The following ZNF385D variants were observed in gnomAD, a reference collection of about 807,000 sequenced individuals.
ZNF385D encodes the protein zinc finger protein 385D.
Under a neutral mutation model 35.8 loss-of-function variants are expected in ZNF385D, and 15 were observed. The observed-to-expected ratio is 0.42, with a 90% CI of 0.28 to 0.64. The LOEUF (loss-of-function observed/expected upper bound fraction) is 0.64. Ranked by LOEUF, ZNF385D falls within the 30% of genes least tolerant of loss-of-function variation. The pLI is 0.23. For missense variants in ZNF385D, 474 were observed against 494.6 expected, an observed-to-expected ratio of 0.96 and a Z score of 0.39; for synonymous variants, 212 against 186.8, an observed-to-expected ratio of 1.13 and a Z score of -1.10.
At chr3:21,483,934 C>T (rs762511074) in intron 4 of ZNF385D, among the ~76,000 whole-genome samples, 59 of 151,364 alleles carry the variant, frequency 3.9e-4, no homozygotes, top group African/African-American at 1.0e-3. Context: ...TTTTCTCTTA[C>T]GGATCATGCT....
At chr3:21,542,730 GC>G (rs2062217809) in intron 3 of ZNF385D, 1 of 152,140 alleles carries the variant, frequency 6.6e-6, no homozygotes, top group Admixed American at 6.6e-5. Flanking sequence ...GAGGAGCCTG[GC>G]CCCTCCTCTT....
upstream of ZNF385D, chr3:21,751,297 G>A: frequency 1.8e-6 from 2 of 1,094,178 alleles, no homozygotes; most frequent in African/African-American, 1.7e-5. Context: ...CTGCCTGCCT[G>A]GACCAACCAT....
At chr3:22,022,068 G>A (rs896622376) in intron 3 of ZNF385D, among the ~76,000 whole-genome samples, 1 of 152,060 alleles carries the variant, frequency 6.6e-6, no homozygotes, top group Non-Finnish European at 1.5e-5. Context: ...AATTGAGTGT[G>A]AGTAAAATTG....
intron 3 of ZNF385D, among the ~76,000 whole-genome samples, chr3:21,790,434 G>A (rs1420147727): frequency 1.3e-5 from 2 of 151,890 alleles, no homozygotes; most frequent in African/African-American, 4.8e-5. Context: ...ATAAGATTTG[G>A]GGTGATTGCT....
chr3:21,780,560 G>C (rs1490855429), intron 3 of ZNF385D, among the ~76,000 whole-genome samples: 6 of 152,006 alleles, frequency 3.9e-5, no homozygotes, highest in African/African-American at 1.4e-4. Context: ...AGTTTGTTGA[G>C]CATTTGCTTT....
intron 4 of ZNF385D, among the ~76,000 whole-genome samples, chr3:21,462,755 G>T (rs1415897306): frequency 1.3e-5 from 2 of 152,186 alleles, no homozygotes; most frequent in Non-Finnish European, 2.9e-5. Context: ...GCCGAGGAGG[G>T]TAGATCACCT....
At chr3:22,150,884 G>A (rs928254894) in intron 3 of ZNF385D, among the ~76,000 whole-genome samples, 2 of 152,012 alleles carry the variant, frequency 1.3e-5, no homozygotes, top group Non-Finnish European at 2.9e-5. Flanking sequence ...AGGGAACATC[G>A]AGCTTCCTGG....
intron 1 of ZNF385D, among the ~76,000 whole-genome samples, chr3:21,678,675 G>T (rs149152119): frequency 2.0e-5 from 3 of 152,230 alleles, no homozygotes; most frequent in Non-Finnish European, 4.4e-5. Flanking sequence ...AGAACAAACA[G>T]AATGAGTCAA....
At chr3:21,760,911 T>C (rs1303664812) in intron 3 of ZNF385D, among the ~76,000 whole-genome samples, 2 of 152,226 alleles carry the variant, frequency 1.3e-5, no homozygotes, top group Non-Finnish European at 2.9e-5. Context: ...TTTTTAAATG[T>C]TATCCATAGT....
intron 2 of ZNF385D, among the ~76,000 whole-genome samples, chr3:22,228,513 G>T (rs1362196929): frequency 2.0e-5 from 3 of 152,156 alleles, no homozygotes; most frequent in Non-Finnish European, 4.4e-5. Context: ...CATAATACCA[G>T]GTAATCCAGG....
chr3:21,429,547 T>A (rs1701194544), intron 5 of ZNF385D, among the ~76,000 whole-genome samples: 1 of 152,144 alleles, frequency 6.6e-6, no homozygotes. Context: ...CATTTTTGAT[T>A]GTTTCCTTGG....
intron 3 of ZNF385D, among the ~76,000 whole-genome samples, chr3:21,533,577 C>T (rs964520234): frequency 6.6e-6 from 1 of 151,982 alleles, no homozygotes; most frequent in Non-Finnish European, 1.5e-5. Context: ...TGTTAGATAC[C>T]TGAACAGCAA....
At chr3:22,098,156 G>A (rs189975890) in intron 3 of ZNF385D, among the ~76,000 whole-genome samples, 4 of 152,158 alleles carry the variant, frequency 2.6e-5, no homozygotes, top group African/African-American at 7.2e-5. Flanking sequence ...TCAGGAAGTT[G>A]AGTTCAAGAT....
chr3:22,177,615 G>A (rs557989526), intron 2 of ZNF385D, among the ~76,000 whole-genome samples: 58 of 152,164 alleles, frequency 3.8e-4, no homozygotes, highest in Middle Eastern at 3.4e-3. Context: ...TAAGTTTCAG[G>A]GTTTAAGTGC....
intron 3 of ZNF385D, among the ~76,000 whole-genome samples, chr3:22,141,031 C>T (rs1704472225): frequency 6.6e-6 from 1 of 152,136 alleles, no homozygotes; most frequent in Non-Finnish European, 1.5e-5. Context: ...ATGTCCTGAG[C>T]AATTTATAGT....
intron 3 of ZNF385D, among the ~76,000 whole-genome samples, chr3:22,150,322 T>A (rs1705140754): frequency 6.6e-6 from 1 of 152,146 alleles, no homozygotes; most frequent in African/African-American, 2.4e-5. Flanking sequence ...TATGTATGTA[T>A]TTATAAAACA....
chr3:21,484,310 A>C (rs150482815), intron 4 of ZNF385D, among the ~76,000 whole-genome samples: 1 of 152,236 alleles, frequency 6.6e-6, no homozygotes, highest in African/African-American at 2.4e-5. Flanking sequence ...AAAATGTCTC[A>C]CTAGAGGCAC....
intron 4 of ZNF385D, among the ~76,000 whole-genome samples, chr3:21,470,260 C>T (rs185077069): frequency 5.3e-5 from 8 of 152,198 alleles, no homozygotes; most frequent in African/African-American, 1.4e-4. Flanking sequence ...ACAACCTTTT[C>T]GTTTAAAATG....
rs746830214 is a variant in ZNF385D at position 21,524,399 on chromosome 3, C to T, written c.277-13376G>A. On this transcript the variant is annotated intron_variant, in intron 3 of 7. Coordinates refer to ENST00000281523, the MANE Select transcript of ZNF385D (RefSeq NM_024697.3). ...TTGAATGAGTGAACTAAGACTCCAA[C>T]TGACCATTTATGGGACAACATATTT... is the stretch of plus-strand genomic sequence containing the variant. Among the ~76,000 whole-genome samples, 5 of 152,342 alleles carry T rather than the reference C, an allele frequency of 3.3e-5. No homozygotes were observed. The South Asian group carries it at 6.2e-4, about 19-fold the overall frequency.
Sources: allele counts gnomAD v4.1 joint callset (sites outside exome capture counted in the v4.1 genomes callset), GRCh38; gene constraint gnomAD v4.1.1; transcripts MANE v1.5; gene names NCBI Gene and HGNC (gene_info 2026-07-23, HGNC 2026-07-21).